The following LINGO2 variants were observed in gnomAD, a reference collection of about 807,000 sequenced individuals.
The protein encoded by LINGO2 is leucine-rich repeat and immunoglobulin-like domain-containing nogo receptor-interacting protein 2.
LINGO2 carries 14 observed loss-of-function variants against 30.6 expected under a neutral mutation model. That is an observed-to-expected ratio of 0.46 (90% CI 0.30 to 0.72). The LOEUF is 0.72. LINGO2 is among the 30% of genes least tolerant of loss of function. The pLI is 0.07. For missense variants in LINGO2, 729 were observed against 751.7 expected (o/e 0.97, Z 0.35); for synonymous variants, 317 against 288.5 (o/e 1.10, Z -1.00).
At chr9:28,432,832 T>A (rs1823732698) in intron 2 of LINGO2, among the ~76,000 whole-genome samples, 1 of 152,174 alleles carries the variant, frequency 6.6e-6, no homozygotes, top group Admixed American at 6.6e-5. Flanking sequence ...AAAAGAGACG[T>A]TGACTTCAGC....
chr9:28,235,514 C>A (rs1587289524), intron 4 of LINGO2, among the ~76,000 whole-genome samples: 1 of 152,130 alleles, frequency 6.6e-6, no homozygotes, highest in South Asian at 2.1e-4. Context: ...CAGGGACAAT[C>A]CTGGAGAAAC....
the LINGO2 span, among the ~76,000 whole-genome samples, chr9:28,934,780 CTT>C: frequency 5.3e-5 from 8 of 152,134 alleles, no homozygotes; most frequent in Non-Finnish European, 1.2e-4. Flanking sequence ...ATTTGTATGT[CTT>C]AATCTAAAAT....
chr9:28,486,006 T>C (rs1247606700), intron 1 of LINGO2, among the ~76,000 whole-genome samples: 2 of 152,084 alleles, frequency 1.3e-5, no homozygotes, highest in Non-Finnish European at 2.9e-5. Context: ...GTTACTTTAA[T>C]TATGGAGCCA....
chr9:28,864,513 G>A, the LINGO2 span, among the ~76,000 whole-genome samples: 1 of 152,072 alleles, frequency 6.6e-6, no homozygotes. Context: ...TATAATTAAT[G>A]AAAAGAATCT....
intron 1 of LINGO2, among the ~76,000 whole-genome samples, chr9:28,561,113 C>T (rs1482977908): frequency 6.6e-6 from 1 of 151,980 alleles, no homozygotes; most frequent in Non-Finnish European, 1.5e-5. Flanking sequence ...GGGAGGAGTA[C>T]ATGATACGAT....
chr9:28,525,161 A>C (rs1820972850), intron 1 of LINGO2, among the ~76,000 whole-genome samples: 1 of 152,216 alleles, frequency 6.6e-6, no homozygotes, highest in African/African-American at 2.4e-5. Flanking sequence ...CAGTGAGATA[A>C]CACTTCACTT....
intron 4 of LINGO2, among the ~76,000 whole-genome samples, chr9:28,086,215 C>T (rs1337672302): frequency 1.3e-5 from 2 of 151,970 alleles, no homozygotes; most frequent in African/African-American, 4.8e-5. Context: ...ATAAAAAAAT[C>T]CACACGTCTC....
the LINGO2 span, among the ~76,000 whole-genome samples, chr9:28,847,801 T>C: frequency 5.3e-5 from 2 of 37,778 alleles, 1 homozygote; most frequent in Admixed American, 6.1e-4. Context: ...CATATATGTA[T>C]AGTATATATG....
chr9:28,164,379 C>A (rs958400294), intron 4 of LINGO2, among the ~76,000 whole-genome samples: 1 of 152,052 alleles, frequency 6.6e-6, no homozygotes, highest in Non-Finnish European at 1.5e-5. Flanking sequence ...CAGAAGCTAT[C>A]CTAAGATTTT....
the LINGO2 span, among the ~76,000 whole-genome samples, chr9:28,746,615 C>T: frequency 2.9e-4 from 44 of 152,040 alleles, 1 homozygote; most frequent in African/African-American, 1.1e-3. Flanking sequence ...ATTATTGAAC[C>T]TCTATGCGTT....
rs1231757454 is a variant in LINGO2, at chr9:28,622,870, A to G, written c.-365+47330T>C. 2.0e-5 allele frequency among the ~76,000 whole-genome samples: 3 copies of G among 151,826 alleles called. No individual in the cohort carries two copies. In the East Asian group the frequency reaches 5.8e-4, roughly 29 times the overall value. On this transcript the variant is annotated intron_variant, in intron 1 of 5. Transcript: ENST00000379992. ...GCATTGATTATTGCCTGTCATTTGT[A>G]TATATGCCATTTTAACTGGGGTGAG...
intron 1 of LINGO2, among the ~76,000 whole-genome samples, chr9:28,533,740 T>A (rs1821324887): frequency 6.6e-6 from 1 of 152,144 alleles, no homozygotes; most frequent in South Asian, 2.1e-4. Context: ...GGGAGTTTAG[T>A]AAATGATGGT....
the LINGO2 span, among the ~76,000 whole-genome samples, chr9:28,904,711 A>G: frequency 6.6e-6 from 1 of 152,088 alleles, no homozygotes; most frequent in African/African-American, 2.4e-5. Flanking sequence ...ACAAATAAAT[A>G]GTAATCTATT....
At chr9:28,061,247 T>G (rs1368966160) in intron 4 of LINGO2, among the ~76,000 whole-genome samples, 1 of 150,336 alleles carries the variant, frequency 6.7e-6, no homozygotes, top group East Asian at 1.9e-4. Context: ...CTAGTGGCTA[T>G]AAAGGAAAAC....
intron 3 of LINGO2, among the ~76,000 whole-genome samples, chr9:28,299,137 G>C (rs868374999): frequency 6.6e-6 from 1 of 152,002 alleles, no homozygotes; most frequent in African/African-American, 2.4e-5. Flanking sequence ...CATCTTCCCC[G>C]TGGAGACATG....
At chr9:28,069,758 G>C (rs1029945207) in intron 4 of LINGO2, among the ~76,000 whole-genome samples, 2 of 152,156 alleles carry the variant, frequency 1.3e-5, no homozygotes, top group African/African-American at 4.8e-5. Context: ...CATGGAGAAG[G>C]CCAGAGACAT....
At chr9:29,180,312 A>T in the LINGO2 span, among the ~76,000 whole-genome samples, 1 of 152,182 alleles carries the variant, frequency 6.6e-6, no homozygotes, top group Non-Finnish European at 1.5e-5. Context: ...GCATATATGC[A>T]TCTATTAGAT....
chr9:28,678,073 C>T, the LINGO2 span, among the ~76,000 whole-genome samples: 4 of 150,134 alleles, frequency 2.7e-5, no homozygotes, highest in Non-Finnish European at 5.9e-5. Context: ...TACCTTCCAA[C>T]GAAAATTATC....
the LINGO2 span, among the ~76,000 whole-genome samples, chr9:29,148,916 G>T: frequency 1.3e-5 from 2 of 151,996 alleles, no homozygotes; most frequent in South Asian, 4.2e-4. Context: ...AATATTTAAG[G>T]CTTTATTATA....
Sources: gnomAD v4.1 joint callset for allele counts (sites outside exome capture counted in the v4.1 genomes callset) on GRCh38, gnomAD v4.1.1 for gene constraint, MANE v1.5 for transcripts, NCBI Gene and HGNC (gene_info 2026-07-23, HGNC 2026-07-21) for gene names.